The following WWC1 variants were observed in gnomAD, a reference collection of about 807,000 sequenced individuals.
WWC1 encodes the protein WW and C2 domain containing 1.
A neutral mutation model predicts 138.4 loss-of-function variants in WWC1; 55 were observed. That is an observed-to-expected ratio of 0.40 (90% CI 0.32 to 0.50). The LOEUF (loss-of-function observed/expected upper bound fraction) is 0.50, where lower values mean the gene tolerates loss of function less well. Among genes scored for constraint, WWC1 ranks in the 20% least tolerant of loss-of-function variants. WWC1 has a pLI of 0.72. For missense variants in WWC1, 1,226 were observed against 1,420.4 expected (o/e 0.86, Z 2.20); for synonymous variants, 524 against 564.9 (o/e 0.93, Z 1.03).
chr5:168,414,498 G>A lies in WWC1; in HGVS notation c.1092G>A (p.Gln364=), dbSNP rs1399666986. The A allele has an allele frequency of 1.3e-6, 2 of 1,559,126 alleles. No individual in the cohort carries two copies. The highest frequency in any genetic ancestry group is 1.7e-6 in the Non-Finnish European group (2 of 1,150,996). The change falls in exon 9 of 23, where the codon CAG becomes CAA. Residue 364 remains glutamine, a synonymous_variant. Transcript: ENST00000265293. The part of the protein sequence containing the change: ...MRFISPRKWT[Q]GEVEQLEMAR... ...TCATCAGCCCCCGCAAGTGGACCCA[G>A]GGGGAGGTGGAGCAGCTGGAGATGG... is the stretch of plus-strand genomic sequence containing the variant.
chr5:168,435,765 T>C (rs996642494), intron 15 of WWC1, among the ~76,000 whole-genome samples: 3 of 152,178 alleles, frequency 2.0e-5, no homozygotes, highest in African/African-American at 7.2e-5. Flanking sequence ...TTTCTTTCCC[T>C]TTCTTTATAG....
rs1322087645 is a variant in WWC1, at chr5:168,423,571, G to A, written c.1313G>A (p.Ser438Asn). The change falls in exon 11 of 23, where the codon AGC becomes AAC. Residue 438 changes from serine to asparagine, a missense_variant. By Grantham distance (46) the Ser-to-Asn change is conservative (BLOSUM62 1). Around this residue, in one of 3 missense-constraint regions of WWC1, gnomAD observed 1,016 missense variants for 1,153.9 expected, o/e 0.88. Transcript: ENST00000265293. ...SSMQSLSSGS[S>N]PGSLTSSRGS... ...ATGCAGTCCCTGTCCTCAGGCAGCA[G>A]CCCCGGATCCCTCACGTCCAGCCGG... 2 of 1,613,864 alleles carry A rather than the reference G, an allele frequency of 1.2e-6. No homozygotes were observed. Among genetic ancestry groups the A allele is most frequent in the East Asian group, 2.2e-5 (1 of 44,862 alleles).
At chr5:168,352,264 C>T (rs147083790) in intron 1 of WWC1, among the ~76,000 whole-genome samples, 11 of 152,314 alleles carry the variant, frequency 7.2e-5, no homozygotes, top group Middle Eastern at 3.4e-3. Flanking sequence ...ATAATGTTTA[C>T]AAAGTGAGAA....
Position 168,406,181 on chromosome 5 carries a change from C to T in WWC1, c.591-17C>T. 3 of 1,612,864 alleles carry T rather than the reference C, an allele frequency of 1.9e-6. No individual in the cohort carries two copies. Among genetic ancestry groups the T allele is most frequent in the South Asian group, 1.1e-5 (1 of 90,994 alleles). ...CACCCTATCTAAGGCTGACCTTTCC[C>T]ATTAACTGTCTCCTAGAATCGATAA... On this transcript the variant is annotated splice_polypyrimidine_tract_variant and intron_variant, in intron 5 of 22. Transcript: ENST00000265293.
rs72828869 is a variant in WWC1, at chr5:168,334,321, G to C, written c.120-37103G>C. Reference sequence around the variant, plus strand: ...GGACTGACCCTGATTTTGCCTCTCCGGCCCCATCCTGTTTCTCTGCCCCAC... The same window carrying C: ...GGACTGACCCTGATTTTGCCTCTCCCGCCCCATCCTGTTTCTCTGCCCCAC... On this transcript the variant is annotated intron_variant, in intron 1 of 22. Coordinates refer to ENST00000265293, the MANE Select transcript of WWC1 (RefSeq NM_015238.3). 1.1e-4 allele frequency among the ~76,000 whole-genome samples: 17 copies of C among 152,016 alleles called. No homozygotes were observed. In the South Asian group the frequency reaches 2.9e-3, roughly 26 times the overall value.
At chr5:168,449,865 G>A (rs1165879901) in intron 17 of WWC1, among the ~76,000 whole-genome samples, 4 of 152,230 alleles carry the variant, frequency 2.6e-5, no homozygotes, top group African/African-American at 4.8e-5. Context: ...ATGAGCCACC[G>A]CACCCGCCAA....
chr5:168,444,423 T>A (rs1278883095), intron 16 of WWC1, 71 bp from the exon 17 acceptor site: 1 of 1,444,072 alleles, frequency 6.9e-7, no homozygotes, highest in Non-Finnish European at 9.5e-7. Context: ...AGCTCTGAGA[T>A]GCTCTGATTC....
intron 22 of WWC1, among the ~76,000 whole-genome samples, chr5:168,468,730 C>T (rs894517947): frequency 6.6e-6 from 1 of 152,134 alleles, no homozygotes; most frequent in African/African-American, 2.4e-5. Flanking sequence ...GTGATTTCTC[C>T]CCTTCCCCCT....
chr5:168,320,282 G>T (rs1323431617), intron 1 of WWC1, among the ~76,000 whole-genome samples: 1 of 152,126 alleles, frequency 6.6e-6, no homozygotes, highest in Non-Finnish European at 1.5e-5. Context: ...TGATCTGCCT[G>T]GCTTGGCCTC....
Position 168,444,597 on chromosome 5 carries a change from C to T in WWC1, c.2525+12C>T, listed in dbSNP as rs375031885. The T allele has an allele frequency of 9.9e-5, 159 of 1,612,962 alleles. No individual in the cohort carries two copies. The highest frequency in any genetic ancestry group is 1.2e-4 in the Non-Finnish European group (146 of 1,179,864). ...CTGGAAGACAGCTGGTGAGTGAGCC[C>T]GCCCTTGGGCCCCAGGAGCTGCCCT... is the stretch of plus-strand genomic sequence containing the variant. On this transcript the variant is annotated intron_variant, in intron 17 of 22. Transcript: ENST00000265293.
At chr5:168,424,217 A>T (rs1376562230) in intron 11 of WWC1, 149 bp downstream of exon 11, 8 of 1,057,694 alleles carry the variant, frequency 7.6e-6, no homozygotes, top group Middle Eastern at 2.8e-4. Flanking sequence ...TATTCAGTGG[A>T]TGTTTATTAA....
chr5:168,371,386 G>A lies in WWC1; in HGVS notation c.120-38G>A. 3.9e-6 allele frequency: 6 copies of A among 1,530,452 alleles called. No individual in the cohort carries two copies. The East Asian group carries it at 6.8e-5, about 17-fold the overall frequency. 94.8% of individuals were successfully genotyped at this position (1,530,452 alleles called of 1,614,324 possible). On this transcript the variant is annotated intron_variant, in intron 1 of 22. Transcript: ENST00000265293. Reference sequence around the variant, plus strand: ...AGCAGGTTGCAGGCATTTGGGGACTGTAGGCTGATGGAGTCTGTTTCTCCT... The same window carrying A: ...AGCAGGTTGCAGGCATTTGGGGACTATAGGCTGATGGAGTCTGTTTCTCCT...
intron 17 of WWC1, among the ~76,000 whole-genome samples, chr5:168,451,384 A>C (rs1755803170): frequency 6.6e-6 from 1 of 152,194 alleles, no homozygotes; most frequent in Non-Finnish European, 1.5e-5. Context: ...AGATGGTCAT[A>C]AATGCATGAA....
At chr5:168,294,918 G>T (rs760892381) in intron 1 of WWC1, among the ~76,000 whole-genome samples, 3 of 152,124 alleles carry the variant, frequency 2.0e-5, no homozygotes, top group African/African-American at 7.2e-5. Context: ...GAGCCACCAC[G>T]CTTGGCCTTG....
intron 1 of WWC1, among the ~76,000 whole-genome samples, chr5:168,318,310 A>T (rs1771776930): frequency 6.6e-6 from 1 of 152,190 alleles, no homozygotes; most frequent in African/African-American, 2.4e-5. Context: ...CTTTTTAAAA[A>T]TTTATTTTTA....
intron 1 of WWC1, among the ~76,000 whole-genome samples, chr5:168,330,108 T>TCAAAA (rs556937028): frequency 3.3e-5 from 5 of 152,208 alleles, no homozygotes; most frequent in Admixed American, 6.5e-5. Flanking sequence ...AGACCCTGTC[T>TCAAAA]CAAAACAAAA....
intron 1 of WWC1, among the ~76,000 whole-genome samples, chr5:168,294,567 C>A (rs1769355977): frequency 6.6e-6 from 1 of 152,096 alleles, no homozygotes; most frequent in East Asian, 1.9e-4. Context: ...CTTAGGTGAG[C>A]AGCTCACCTT....
intron 1 of WWC1, among the ~76,000 whole-genome samples, chr5:168,369,210 C>T (rs1028193110): frequency 3.3e-5 from 5 of 152,198 alleles, no homozygotes; most frequent in African/African-American, 1.2e-4. Context: ...AGTGCCCATT[C>T]ACACTAGCAC....
chr5:168,435,835 C>T (rs1782306537), intron 15 of WWC1, among the ~76,000 whole-genome samples: 1 of 151,910 alleles, frequency 6.6e-6, no homozygotes, highest in Admixed American at 6.6e-5. Flanking sequence ...GACTTTGGCC[C>T]TCATCTTTCT....
Sources: gnomAD v4.1 joint callset for allele counts (sites outside exome capture counted in the v4.1 genomes callset) on GRCh38, gnomAD v4.1.1 for gene constraint, gnomAD v4.1.1 regional missense constraint, MANE v1.5 for transcripts, NCBI Gene and HGNC (gene_info 2026-07-23, HGNC 2026-07-21) for gene names.